UBAP1: variants seen among roughly 807,000 people sequenced by gnomAD.
UBAP1 encodes ubiquitin associated protein 1, also known as ubiquitin-associated protein 1.
In UBAP1, 5 loss-of-function variants were observed where a neutral mutation model predicts 39.0. The ratio of observed to expected loss-of-function variants is 0.13; its 90% CI spans 0.07 to 0.27. UBAP1 has a LOEUF of 0.27. UBAP1 is among the 10% of genes least tolerant of loss of function. The probability of loss-of-function intolerance (pLI) is 1.00; values close to 1 mark genes in which losing one functional copy is unlikely to be tolerated. For missense variants in UBAP1, 490 were observed against 608.1 expected (o/e 0.81, Z 2.04); for synonymous variants, 211 against 225.1 (o/e 0.94, Z 0.56).
intron 1 of UBAP1, among the ~76,000 whole-genome samples, chr9:34,208,491 A>C (rs533443724): frequency 3.3e-4 from 50 of 150,594 alleles, no homozygotes; most frequent in African/African-American, 1.2e-3. Context: ...AAAAATAAAA[A>C]AATTAGCCGG....
At chr9:34,181,116 CTTTTTTTT>C (rs67856544) in intron 1 of UBAP1, among the ~76,000 whole-genome samples, 1 of 72,238 alleles carries the variant, frequency 1.4e-5, no homozygotes, top group East Asian at 5.2e-4. Flanking sequence ...GGCCTGTTTT[CTTTTTTTT>C]TTTTTTTTTG....
At chr9:34,191,434 A>T (rs1206141010) in intron 1 of UBAP1, 1 of 152,134 alleles carries the variant, frequency 6.6e-6, no homozygotes, top group East Asian at 1.9e-4. Flanking sequence ...GCCATGAGGG[A>T]TGATATTGTA....
chr9:34,184,529 G>A (rs1352354233), intron 1 of UBAP1, among the ~76,000 whole-genome samples: 28 of 150,588 alleles, frequency 1.9e-4, no homozygotes, highest in African/African-American at 6.8e-4. Flanking sequence ...TACTCGGGAG[G>A]CTGAGGCAGG....
intron 1 of UBAP1, among the ~76,000 whole-genome samples, chr9:34,197,388 C>T (rs565895989): frequency 1.5e-4 from 23 of 149,520 alleles, no homozygotes; most frequent in South Asian, 4.3e-4. Context: ...GCAATCTGCC[C>T]GCCTTGGCCT....
intron 1 of UBAP1, among the ~76,000 whole-genome samples, chr9:34,198,785 A>G (rs1563892430): frequency 6.6e-6 from 1 of 152,154 alleles, no homozygotes; most frequent in African/African-American, 2.4e-5. Context: ...GGGAAGCTGA[A>G]TGTCTGCCTT....
At chr9:34,246,752 A>G (rs1478082964) in intron 4 of UBAP1, among the ~76,000 whole-genome samples, 1 of 152,228 alleles carries the variant, frequency 6.6e-6, no homozygotes, top group African/African-American at 2.4e-5. Context: ...CCACATAGGT[A>G]CAGAAAGGAC....
At chr9:34,184,069 C>T (rs1830241424) in intron 1 of UBAP1, among the ~76,000 whole-genome samples, 1 of 151,816 alleles carries the variant, frequency 6.6e-6, no homozygotes, top group Non-Finnish European at 1.5e-5. Flanking sequence ...CGCTCCCGGC[C>T]CAGAATTTCT....
At chr9:34,198,435 A>G (rs1320749761) in intron 1 of UBAP1, among the ~76,000 whole-genome samples, 2 of 151,912 alleles carry the variant, frequency 1.3e-5, no homozygotes, top group Admixed American at 6.6e-5. Context: ...GGTCCTGTGG[A>G]GTTGGAGTTT....
At chr9:34,207,649 TTTTA>T (rs1438576583) in intron 1 of UBAP1, among the ~76,000 whole-genome samples, 2 of 145,934 alleles carry the variant, frequency 1.4e-5, no homozygotes, top group African/African-American at 2.4e-5. Flanking sequence ...TTATATTTCT[TTTTA>T]TTTATTTCTT....
At chr9:34,234,645 A>G (rs547028417) in intron 3 of UBAP1, among the ~76,000 whole-genome samples, 4 of 152,190 alleles carry the variant, frequency 2.6e-5, no homozygotes, top group African/African-American at 9.6e-5. Context: ...ATAGATATAT[A>G]TATATATATT....
chr9:34,248,131 G>C (rs2131632587), intron 4 of UBAP1, among the ~76,000 whole-genome samples: 1 of 152,112 alleles, frequency 6.6e-6, no homozygotes, highest in East Asian at 1.9e-4. Flanking sequence ...CACCTCCCGG[G>C]TTCAAGCGAT....
At chr9:34,224,167 T>C in intron 2 of UBAP1, 1 of 595,946 alleles carries the variant, frequency 1.7e-6, no homozygotes, top group African/African-American at 1.9e-5. Context: ...CTTTCATCGA[T>C]TTCTTCTGAA....
chr9:34,216,246 A>T (rs1254606398), intron 1 of UBAP1, among the ~76,000 whole-genome samples: 2 of 152,052 alleles, frequency 1.3e-5, no homozygotes, highest in Admixed American at 1.3e-4. Context: ...CATAGCATGA[A>T]ATTAACCATG....
At chr9:34,248,586 A>T (rs1332795851) in intron 4 of UBAP1, among the ~76,000 whole-genome samples, 1 of 152,156 alleles carries the variant, frequency 6.6e-6, no homozygotes, top group Non-Finnish European at 1.5e-5. Context: ...GTGTGATCCA[A>T]TCCCTGTGCC....
At chr9:34,219,682 CCTCCCCTCCTTTCCTCTCCTCTCCT>C (rs1181597378) in intron 1 of UBAP1, among the ~76,000 whole-genome samples, 7 of 133,622 alleles carry the variant, frequency 5.2e-5, no homozygotes, top group South Asian at 2.7e-4. Context: ...GTCTCCCTCC[CCTCCCCTCCTTTCCTCTCCTCTCCT>C]CTCCCCTCCC....
chr9:34,238,094 T>C (rs561756030), intron 3 of UBAP1, among the ~76,000 whole-genome samples: 1 of 151,936 alleles, frequency 6.6e-6, no homozygotes, highest in Admixed American at 6.6e-5. Context: ...GGCCATTTCA[T>C]ATAAATGGAA....
chr9:34,200,741 T>A (rs1831321278), intron 1 of UBAP1, among the ~76,000 whole-genome samples: 1 of 152,212 alleles, frequency 6.6e-6, no homozygotes, highest in South Asian at 2.1e-4. Flanking sequence ...TCTGTTTCTG[T>A]CCTATCCTAT....
chr9:34,224,594 C>G (rs528924491), intron 2 of UBAP1: 13 of 411,812 alleles, frequency 3.2e-5, no homozygotes, highest in Middle Eastern at 4.1e-4. Flanking sequence ...CCCGGTCTTG[C>G]GGTGCTTGTG....
chr9:34,213,994 C>T (rs1375285511), intron 1 of UBAP1, among the ~76,000 whole-genome samples: 1 of 151,274 alleles, frequency 6.6e-6, no homozygotes, highest in African/African-American at 2.4e-5. Flanking sequence ...AGGAAAACTA[C>T]AAAACACTGC....
Sources: allele counts gnomAD v4.1 joint callset (sites outside exome capture counted in the v4.1 genomes callset), GRCh38; gene constraint gnomAD v4.1.1; transcripts MANE v1.5; gene names NCBI Gene and HGNC (gene_info 2026-07-23, HGNC 2026-07-21).